TMEM17: variants seen among roughly 807,000 people sequenced by gnomAD.
TMEM17 encodes the protein transmembrane protein 17.
A neutral mutation model predicts 19.1 loss-of-function variants in TMEM17; 15 were observed. The observed-to-expected ratio is 0.78, with a 90% confidence interval of 0.52 to 1.21. The LOEUF is 1.21. TMEM17 is among the 50% of genes most tolerant of loss of function. TMEM17 has a pLI of 0.00. For missense variants in TMEM17, 245 were observed against 242.3 expected (o/e 1.01, Z -0.07); for synonymous variants, 103 against 86.9 (o/e 1.19, Z -1.03).
At chr2:62,482,842 A>G in the TMEM17 span, among the ~76,000 whole-genome samples, 2 of 152,192 alleles carry the variant, frequency 1.3e-5, no homozygotes, top group Non-Finnish European at 2.9e-5. Context: ...GCATAAGCCT[A>G]TAAACTTTAT....
In TMEM17 at chr2:62,506,181, G is replaced by C; in HGVS notation, c.-52C>G. 1 of 1,480,774 alleles carries C rather than the reference G, an allele frequency of 6.8e-7. No individual in the cohort carries two copies. The highest frequency in any genetic ancestry group is 1.3e-5 in the South Asian group (1 of 78,500). The allele number at this position is 1,480,774 out of a possible 1,614,324, so 91.7% of individuals were successfully genotyped here. A position where few individuals can be genotyped will look rare whatever the true frequency, so the allele number is the denominator to read the frequency against. On this transcript the variant is annotated 5_prime_UTR_variant, in exon 1 of 4. Coordinates refer to ENST00000335390, the MANE Select transcript of TMEM17 (RefSeq NM_198276.3). ...CTCAGACACGGGCTAGTCTGCGGGC[G>C]CTCCGAGGCTCCGTGGTTCCCACGG...
At chr2:62,466,889 C>T in the TMEM17 span, among the ~76,000 whole-genome samples, 4 of 152,198 alleles carry the variant, frequency 2.6e-5, no homozygotes, top group Admixed American at 1.3e-4. Flanking sequence ...GTCCAACATT[C>T]TCAGTCCTGG....
chr2:62,455,001 A>G, the TMEM17 span, among the ~76,000 whole-genome samples: 10 of 152,174 alleles, frequency 6.6e-5, no homozygotes, highest in South Asian at 4.1e-4. Flanking sequence ...CACTGTGCCC[A>G]GCCGAGACCC....
At chr2:62,498,029 C>T (rs1679815428), downstream of TMEM17, among the ~76,000 whole-genome samples, 1 of 152,212 alleles carries the variant, frequency 6.6e-6, no homozygotes, top group African/African-American at 2.4e-5. Flanking sequence ...CCTTTGACTA[C>T]TCCTTACATA....
At chr2:62,469,000 C>T in the TMEM17 span, among the ~76,000 whole-genome samples, 3 of 152,222 alleles carry the variant, frequency 2.0e-5, no homozygotes, top group South Asian at 6.2e-4. Flanking sequence ...ATGGCAGCCA[C>T]CCACCTCTTT....
chr2:62,502,405 C>A (rs1206544111), intron 3 of TMEM17, 32 bp downstream of exon 3: 4 of 1,415,190 alleles, frequency 2.8e-6, no homozygotes, highest in Non-Finnish European at 3.0e-6. Context: ...TCATTTATAT[C>A]TATCACTGAG....
At chr2:62,474,116 C>A in the TMEM17 span, among the ~76,000 whole-genome samples, 8 of 152,204 alleles carry the variant, frequency 5.3e-5, no homozygotes, top group South Asian at 1.7e-3. Flanking sequence ...CCTCAAAGAG[C>A]CTAAGAAGGG....
At chr2:62,499,414 A>T (rs1268930248), downstream of TMEM17, among the ~76,000 whole-genome samples, 1 of 152,216 alleles carries the variant, frequency 6.6e-6, no homozygotes, top group Non-Finnish European at 1.5e-5. Flanking sequence ...AATGCAAACA[A>T]ATATGTTTTA....
the TMEM17 span, among the ~76,000 whole-genome samples, chr2:62,468,051 G>A: frequency 2.0e-5 from 3 of 152,138 alleles, no homozygotes; most frequent in Non-Finnish European, 4.4e-5. Context: ...GTTGTTAGTG[G>A]TATAACAGTA....
intron 1 of TMEM17, among the ~76,000 whole-genome samples, chr2:62,505,311 A>G (rs1302866011): frequency 1.3e-5 from 2 of 152,234 alleles, no homozygotes; most frequent in Non-Finnish European, 2.9e-5. Context: ...ATCAAGTTAA[A>G]GGACGCAGAA....
chr2:62,456,512 G>T, the TMEM17 span, among the ~76,000 whole-genome samples: 3 of 152,296 alleles, frequency 2.0e-5, no homozygotes, highest in South Asian at 6.2e-4. Flanking sequence ...AGATCCATCT[G>T]AATAATCCGG....
At chr2:62,458,759 C>A in the TMEM17 span, among the ~76,000 whole-genome samples, 4 of 152,206 alleles carry the variant, frequency 2.6e-5, no homozygotes, top group Admixed American at 2.0e-4. Context: ...GTGTCTGTAG[C>A]AACTCAGGGC....
the TMEM17 span, among the ~76,000 whole-genome samples, chr2:62,479,889 CAAAAAAA>C: frequency 7.3e-5 from 5 of 68,900 alleles, no homozygotes; most frequent in East Asian, 4.8e-4. Context: ...AGACCTGTCT[CAAAAAAA>C]AAAAAAAAAA....
At chr2:62,485,970 T>C in the TMEM17 span, among the ~76,000 whole-genome samples, 7 of 152,354 alleles carry the variant, frequency 4.6e-5, 1 homozygote, top group African/African-American at 1.7e-4. Context: ...TGTGCTTTTT[T>C]TTCCCCCATT....
the TMEM17 span, among the ~76,000 whole-genome samples, chr2:62,481,341 A>G: frequency 2.4e-4 from 36 of 152,284 alleles, no homozygotes; most frequent in East Asian, 6.2e-3. Context: ...GGTTTTTGGC[A>G]GAGTCTACAG....
At chr2:62,470,416 C>T in the TMEM17 span, among the ~76,000 whole-genome samples, 1 of 152,222 alleles carries the variant, frequency 6.6e-6, no homozygotes, top group Admixed American at 6.5e-5. Context: ...TCCTCAATTC[C>T]CCTGCCTGGT....
At chr2:62,483,494 C>T in the TMEM17 span, among the ~76,000 whole-genome samples, 4 of 152,086 alleles carry the variant, frequency 2.6e-5, no homozygotes, top group South Asian at 8.3e-4. Flanking sequence ...CTTGAACAGA[C>T]AAAGCAAATA....
At chr2:62,474,835 G>C in the TMEM17 span, among the ~76,000 whole-genome samples, 1 of 151,986 alleles carries the variant, frequency 6.6e-6, no homozygotes, top group South Asian at 2.1e-4. Flanking sequence ...TCCTCATCTC[G>C]TTCCTTGCCT....
chr2:62,475,437 G>A, the TMEM17 span, among the ~76,000 whole-genome samples: 1 of 152,324 alleles, frequency 6.6e-6, no homozygotes, highest in Admixed American at 6.5e-5. Flanking sequence ...CCCATTTCCA[G>A]CCCCCTGGCC....
Sources: allele counts gnomAD v4.1 joint callset (sites outside exome capture counted in the v4.1 genomes callset), GRCh38; gene constraint gnomAD v4.1.1; transcripts MANE v1.5; gene names NCBI Gene and HGNC (gene_info 2026-07-23, HGNC 2026-07-21).